The following TEX9 variants were observed in gnomAD, a reference collection of about 807,000 sequenced individuals.
The protein encoded by TEX9 is testis-expressed protein 9.
TEX9 carries 74 observed loss-of-function variants against 59.6 expected under a neutral mutation model. The observed-to-expected ratio is 1.24, with a 90% confidence interval of 1.03 to 1.51. The LOEUF (loss-of-function observed/expected upper bound fraction) is 1.51. Among genes scored for constraint, TEX9 ranks in the 40% most tolerant of loss-of-function variants. The pLI, the probability that TEX9 is intolerant of heterozygous loss-of-function variation, is 0.00. For synonymous variants in TEX9, 186 were observed against 152.2 expected, an observed-to-expected ratio of 1.22 and a Z score of -1.64; for missense variants, 522 against 447.8, an observed-to-expected ratio of 1.17 and a Z score of -1.49.
intron 10 of TEX9, among the ~76,000 whole-genome samples, chr15:56,419,353 C>T (rs1283957478): frequency 6.6e-6 from 1 of 151,668 alleles, no homozygotes; most frequent in East Asian, 1.9e-4. Flanking sequence ...TACATATGGT[C>T]CCTTGTGTAT....
chr15:56,423,664 C>T (rs564857741), intron 10 of TEX9, among the ~76,000 whole-genome samples: 5 of 152,248 alleles, frequency 3.3e-5, no homozygotes, highest in Admixed American at 3.3e-4. Context: ...TACCCATTCA[C>T]AGCCACTCTA....
At chr15:56,431,444 CATT>C (rs2050593159) in intron 12 of TEX9, 2 of 1,613,518 alleles carry the variant, frequency 1.2e-6, no homozygotes, top group African/African-American at 2.7e-5. Flanking sequence ...TCAATAATTG[CATT>C]AATAAATCCT....
chr15:56,397,494 C>G (rs2048537203), intron 9 of TEX9: 1 of 152,238 alleles, frequency 6.6e-6, no homozygotes, highest in East Asian at 1.9e-4. Flanking sequence ...TCTTGAGGAG[C>G]TGAATGTTAA....
intron 1 of TEX9, among the ~76,000 whole-genome samples, chr15:56,355,281 G>A (rs566285404): frequency 1.8e-4 from 27 of 152,232 alleles, no homozygotes; most frequent in African/African-American, 6.0e-4. Flanking sequence ...TGTATTATAA[G>A]TATATGTCTA....
intron 1 of TEX9, among the ~76,000 whole-genome samples, chr15:56,334,506 A>G (rs1326441023): frequency 6.6e-6 from 1 of 152,178 alleles, no homozygotes; most frequent in Non-Finnish European, 1.5e-5. Context: ...ACAAAAATCA[A>G]AATGATTACT....
intron 12 of TEX9, among the ~76,000 whole-genome samples, chr15:56,435,711 G>C (rs1391429546): frequency 6.6e-6 from 1 of 151,876 alleles, no homozygotes; most frequent in Non-Finnish European, 1.5e-5. Flanking sequence ...CCCCAAGTCA[G>C]GATGGTTTCA....
rs2045502020 is a variant in TEX9 at position 56,307,093 on chromosome 15, TG to T, written c.-107+62816del. Among the ~76,000 whole-genome samples, 4 of 152,214 alleles carry T rather than the reference TG, an allele frequency of 2.6e-5. No individual in the cohort carries two copies. The South Asian group carries it at 6.2e-4, about 24-fold the overall frequency. On this transcript the variant is annotated intron_variant, in intron 1 of 5. Coordinates refer to the TEX9 transcript ENST00000560827. ...AAAATACACTTTCCTGGGGGGAAAA[TG>T]ACTAAATATCGGTGAGTACTGGCAG... is the stretch of plus-strand genomic sequence containing the variant.
chr15:56,329,122 G>A (rs1228749801), intron 1 of TEX9, among the ~76,000 whole-genome samples: 1 of 152,180 alleles, frequency 6.6e-6, no homozygotes, highest in Non-Finnish European at 1.5e-5. Flanking sequence ...TAAGGGGAGA[G>A]AACAAGAGTC....
intron 1 of TEX9, among the ~76,000 whole-genome samples, chr15:56,325,697 A>G (rs1567086495): frequency 6.6e-6 from 1 of 152,206 alleles, no homozygotes; most frequent in African/African-American, 2.4e-5. Flanking sequence ...CAAACTGACC[A>G]AATGTTCTTG....
intron 12 of TEX9, chr15:56,443,340 G>A (rs2050850999): frequency 1.1e-6 from 1 of 940,854 alleles, no homozygotes. Flanking sequence ...TACCAGTATG[G>A]TTGGATTTAA....
chr15:56,328,034 C>T (rs2141745088), intron 1 of TEX9, among the ~76,000 whole-genome samples: 1 of 152,138 alleles, frequency 6.6e-6, no homozygotes, highest in Middle Eastern at 3.4e-3. Context: ...TATGCCACCC[C>T]TCCCCCAACC....
chr15:56,442,781 G>A (rs1287962835), intron 12 of TEX9, among the ~76,000 whole-genome samples: 4 of 151,888 alleles, frequency 2.6e-5, no homozygotes, highest in Admixed American at 6.6e-5. Context: ...ACTACCTATC[G>A]AGTACTATGC....
intron 10 of TEX9, among the ~76,000 whole-genome samples, chr15:56,427,061 T>C (rs2050320568): frequency 6.6e-6 from 1 of 152,070 alleles, no homozygotes; most frequent in Non-Finnish European, 1.5e-5. Flanking sequence ...TAGAATTTTG[T>C]ACCACCTTGG....
intron 7 of TEX9, among the ~76,000 whole-genome samples, chr15:56,393,011 A>G (rs1449511899): frequency 6.6e-6 from 1 of 152,164 alleles, no homozygotes; most frequent in African/African-American, 2.4e-5. Flanking sequence ...AGCACAGATT[A>G]CTTTGTAAGA....
intron 3 of TEX9, among the ~76,000 whole-genome samples, chr15:56,375,202 C>T (rs2047379313): frequency 6.6e-6 from 1 of 152,106 alleles, no homozygotes; most frequent in South Asian, 2.1e-4. Flanking sequence ...TTAATGATTG[C>T]CATTCTAACT....
chr15:56,448,904 C>G (rs1285899367), downstream of TEX9, among the ~76,000 whole-genome samples: 11 of 151,906 alleles, frequency 7.2e-5, no homozygotes, highest in African/African-American at 2.4e-4. Flanking sequence ...CAGGTGTGTG[C>G]CACCATGCCC....
intron 1 of TEX9, among the ~76,000 whole-genome samples, chr15:56,309,168 A>C (rs1407405111): frequency 6.6e-6 from 1 of 152,208 alleles, no homozygotes; most frequent in East Asian, 1.9e-4. Flanking sequence ...TAGGACGTTC[A>C]TTATCAAGTA....
At chr15:56,412,551 C>G (rs1302960318) in intron 10 of TEX9, 115 bp downstream of exon 10, 9 of 1,173,198 alleles carry the variant, frequency 7.7e-6, no homozygotes, top group Non-Finnish European at 1.1e-5. Flanking sequence ...GAACATTTCT[C>G]TTTTCAGAAG....
At chr15:56,316,388 A>C (rs1240408772) in intron 1 of TEX9, among the ~76,000 whole-genome samples, 1 of 151,474 alleles carries the variant, frequency 6.6e-6, no homozygotes, top group Non-Finnish European at 1.5e-5. Flanking sequence ...CCTCAGCTGC[A>C]GGTCTGTTGG....
Sources: gnomAD v4.1 joint callset for allele counts (sites outside exome capture counted in the v4.1 genomes callset) on GRCh38, gnomAD v4.1.1 for gene constraint, MANE v1.5 for transcripts, NCBI Gene and HGNC (gene_info 2026-07-23, HGNC 2026-07-21) for gene names.